Variants in TENM3 observed in about 807,000 individuals in gnomAD.
The protein encoded by TENM3 is teneurin-3.
A neutral mutation model predicts 255.1 loss-of-function variants in TENM3; 63 were observed. The observed-to-expected ratio is 0.25, with a 90% CI of 0.20 to 0.30. TENM3 has a LOEUF of 0.30. TENM3 is among the 10% of genes least tolerant of loss of function. TENM3 has a pLI of 1.00. For missense variants in TENM3, 2,929 were observed against 3,461.1 expected (o/e 0.85, Z 3.86); for synonymous variants, 1,306 against 1,322.3 (o/e 0.99, Z 0.27).
intron 6 of TENM3, among the ~76,000 whole-genome samples, chr4:182,660,521 A>G (rs887776629): frequency 3.3e-5 from 5 of 152,222 alleles, no homozygotes; most frequent in African/African-American, 9.6e-5. Flanking sequence ...AAGCTATTCA[A>G]TGCATATCAG....
At chr4:182,038,826 C>T in the TENM3 span, among the ~76,000 whole-genome samples, 3 of 152,176 alleles carry the variant, frequency 2.0e-5, no homozygotes, top group Non-Finnish European at 2.9e-5. Context: ...CTCTGCCTCT[C>T]GGGTTCAAGT....
intron 1 of TENM3, among the ~76,000 whole-genome samples, chr4:182,172,640 C>T (rs886760406): frequency 6.6e-5 from 10 of 151,850 alleles, no homozygotes; most frequent in Admixed American, 1.3e-4. Flanking sequence ...TCTGAAAAAC[C>T]GAGAAACTAT....
chr4:182,099,164 G>A, the TENM3 span, among the ~76,000 whole-genome samples: 1 of 151,694 alleles, frequency 6.6e-6, no homozygotes, highest in Non-Finnish European at 1.5e-5. Flanking sequence ...GGGTTTCACC[G>A]TGCTGCCCAG....
upstream of TENM3, among the ~76,000 whole-genome samples, chr4:182,243,112 TTTTA>T (rs1001666433): frequency 6.6e-6 from 1 of 152,130 alleles, no homozygotes; most frequent in African/African-American, 2.4e-5. Flanking sequence ...TCACATAGGC[TTTTA>T]TTTATTTATT....
intron 3 of TENM3, among the ~76,000 whole-genome samples, chr4:182,596,446 A>AAAAAGGGACAGAT (rs375196536): frequency 0.035 from 5,308 of 152,262 alleles, 113 homozygotes; most frequent in Middle Eastern, 0.068. Context: ...TAGAGCCATG[A>AAAAAGGGACAGAT]AAAAGGGACA....
chr4:182,240,969 C>T (rs1757218237), upstream of TENM3, among the ~76,000 whole-genome samples: 1 of 152,218 alleles, frequency 6.6e-6, no homozygotes, highest in Non-Finnish European at 1.5e-5. Flanking sequence ...TCAGTATTTC[C>T]TCCTTCTCTG....
the TENM3 span, among the ~76,000 whole-genome samples, chr4:181,836,899 A>G: frequency 3.2e-3 from 481 of 152,298 alleles, 1 homozygote; most frequent in Non-Finnish European, 4.9e-3. Flanking sequence ...ATCCATGAAT[A>G]TGGTTCATCT....
intron 4 of TENM3, among the ~76,000 whole-genome samples, chr4:182,606,745 GATT>G (rs1481114452): frequency 6.6e-6 from 1 of 152,106 alleles, no homozygotes; most frequent in African/African-American, 2.4e-5. Context: ...TTTAATGTGA[GATT>G]ATTATTAACC....
chr4:182,488,647 T>C (rs911017693), intron 3 of TENM3, among the ~76,000 whole-genome samples: 7 of 152,094 alleles, frequency 4.6e-5, no homozygotes, highest in African/African-American at 1.7e-4. Context: ...TGGTAGTTAA[T>C]GAATACCACG....
chr4:182,088,075 A>G, the TENM3 span, among the ~76,000 whole-genome samples: 39 of 152,326 alleles, frequency 2.6e-4, no homozygotes, highest in South Asian at 6.2e-4. Context: ...ATCACCTCCT[A>G]GTAAGAAGAC....
At position 182,750,694 on chromosome 4, in the gene TENM3, G is replaced by T. The variant is rs191581315; in HGVS notation, c.3630-1106G>T. ...AATAAATGGAAACAAGCATGTAACTGTGTGTGTGTGTGTGTTCGTGGCTGT... is the reference window on the plus strand; with the variant it reads ...AATAAATGGAAACAAGCATGTAACTTTGTGTGTGTGTGTGTTCGTGGCTGT... On this transcript the variant is annotated intron_variant, in intron 19 of 27. Transcript: ENST00000511685. Among the ~76,000 whole-genome samples, 1,347 of 149,928 alleles carry T rather than the reference G, an allele frequency of 9.0e-3. 11 individuals are homozygous for T. Among genetic ancestry groups the T allele is most frequent in the Non-Finnish European group, 0.015 (976 of 67,200 alleles).
intron 3 of TENM3, among the ~76,000 whole-genome samples, chr4:182,369,316 T>C (rs1318427430): frequency 6.6e-6 from 1 of 152,100 alleles, no homozygotes; most frequent in African/African-American, 2.4e-5. Flanking sequence ...TTAGAAAGAA[T>C]CTAAATACCC....
At chr4:182,588,813 T>G (rs1746311580) in intron 3 of TENM3, among the ~76,000 whole-genome samples, 1 of 152,224 alleles carries the variant, frequency 6.6e-6, no homozygotes, top group Non-Finnish European at 1.5e-5. Context: ...GTTGACAAGA[T>G]AAACTACTTT....
rs1766994630 is a variant in TENM3, at chr4:182,801,882, T to A, written c.*1531T>A. ...CCCAGCCGCCATCTGCACTTCCGTG[T>A]CGGCTCAGCTCTGACAAATCTCTTT... On this transcript the variant is annotated 3_prime_UTR_variant, in exon 28 of 28. Coordinates refer to ENST00000511685, the MANE Select transcript of TENM3 (RefSeq NM_001080477.4). The A allele has an allele frequency of 6.6e-6, 1 of 152,606 alleles. No individual in the cohort carries two copies. The highest frequency in any genetic ancestry group is 1.5e-5 in the Non-Finnish European group (1 of 68,038). 9.5% of individuals were successfully genotyped at this position (152,606 alleles called of 1,614,324 possible).
At chr4:181,517,731 G>A in the TENM3 span, among the ~76,000 whole-genome samples, 472 of 152,272 alleles carry the variant, frequency 3.1e-3, 3 homozygotes, top group Non-Finnish European at 4.9e-3. Context: ...ATTCACACAC[G>A]CTATCCTGTG....
chr4:181,892,270 C>CT, the TENM3 span, among the ~76,000 whole-genome samples: 4 of 152,282 alleles, frequency 2.6e-5, no homozygotes, highest in Non-Finnish European at 5.9e-5. Context: ...CAGGTAGCCA[C>CT]TGAGTCCTAG....
chr4:181,505,750 T>G, the TENM3 span, among the ~76,000 whole-genome samples: 1 of 152,292 alleles, frequency 6.6e-6, no homozygotes, highest in Non-Finnish European at 1.5e-5. Context: ...TGCAAAAGAT[T>G]ATAGCAGAAA....
the TENM3 span, among the ~76,000 whole-genome samples, chr4:181,530,070 A>G: frequency 1.3e-5 from 2 of 152,208 alleles, no homozygotes; most frequent in African/African-American, 4.8e-5. Flanking sequence ...ATAACTGTGT[A>G]CAATTACATT....
intron 24 of TENM3, among the ~76,000 whole-genome samples, chr4:182,787,185 A>G (rs1561252845): frequency 6.6e-6 from 1 of 152,252 alleles, no homozygotes; most frequent in Non-Finnish European, 1.5e-5. Context: ...AAGCTCAGAA[A>G]GCCTCCAGCT....
Sources: gnomAD v4.1 joint callset for allele counts (sites outside exome capture counted in the v4.1 genomes callset) on GRCh38, gnomAD v4.1.1 for gene constraint, MANE v1.5 for transcripts, NCBI Gene and HGNC (gene_info 2026-07-23, HGNC 2026-07-21) for gene names.